The following RICTOR variants were observed in gnomAD, a reference collection of about 807,000 sequenced individuals.
The protein encoded by RICTOR is rapamycin-insensitive companion of mTOR.
In RICTOR, 49 loss-of-function variants were observed where a neutral mutation model predicts 214.9. The observed-to-expected ratio is 0.23, with a 90% CI of 0.18 to 0.29. The LOEUF is 0.29. Ranked by LOEUF, RICTOR falls within the 10% of genes least tolerant of loss-of-function variation. The pLI, the probability that RICTOR is intolerant of heterozygous loss-of-function variation, is 1.00. For missense variants in RICTOR, 1,625 were observed against 2,047.0 expected (o/e 0.79, Z 3.98); for synonymous variants, 717 against 711.3 (o/e 1.01, Z -0.13).
chr5:39,044,848 C>T (rs1207582206), intron 2 of RICTOR, among the ~76,000 whole-genome samples: 1 of 152,164 alleles, frequency 6.6e-6, no homozygotes, highest in Non-Finnish European at 1.5e-5. Context: ...ACTATATTCA[C>T]GCAGTGCTAA....
intron 7 of RICTOR, among the ~76,000 whole-genome samples, chr5:38,989,774 G>T (rs1174090430): frequency 3.3e-5 from 5 of 152,196 alleles, no homozygotes; most frequent in Non-Finnish European, 7.4e-5. Flanking sequence ...GGTCATTAAA[G>T]AAATGCAAAT....
At chr5:39,026,595 A>G (rs888290233) in intron 2 of RICTOR, among the ~76,000 whole-genome samples, 1 of 152,042 alleles carries the variant, frequency 6.6e-6, no homozygotes, top group Non-Finnish European at 1.5e-5. Flanking sequence ...GCTGAATACA[A>G]TTGATTTCAA....
chr5:39,002,841 A>C (rs1753743032), intron 4 of RICTOR, among the ~76,000 whole-genome samples, 175 bp from the exon 5 acceptor site: 1 of 152,146 alleles, frequency 6.6e-6, no homozygotes, highest in South Asian at 2.1e-4. Context: ...AATTTCACTT[A>C]GTGTTGTTTT....
chr5:38,950,397 A>C lies in RICTOR; in HGVS notation c.3451T>G (p.Ser1151Ala), dbSNP rs1445167221. 1.9e-6 allele frequency: 3 copies of C among 1,613,170 alleles called. No individual in the cohort carries two copies. The highest frequency in any genetic ancestry group is 2.5e-6 in the Non-Finnish European group (3 of 1,179,388). The change falls in exon 31 of 38, where the codon TCC (serine) becomes GCC (alanine). Residue 1151 changes from serine (S) to alanine (A), a missense_variant. By Grantham distance (99) the Ser-to-Ala change is moderately conservative (BLOSUM62 1). Coordinates refer to ENST00000357387, the MANE Select transcript of RICTOR (RefSeq NM_152756.5). ...AATTGTAATGTTTTCTGTACAGTGGATATGGGTGTAAAATCATCACTATGA... is the reference window on the plus strand; with the variant it reads ...AATTGTAATGTTTTCTGTACAGTGGCTATGGGTGTAAAATCATCACTATGA... ...FNHSDDFTPI[S>A]TVQKTLQLET...
In RICTOR at chr5:38,959,770, A is replaced by G. The variant is rs1749621507; in HGVS notation, c.2051+9T>C. ...TGTATATATTGCAACAAAATCTGGG[A>G]ATGCTCACCACTGAAATACACTGCA... is the stretch of plus-strand genomic sequence containing the variant. On this transcript the variant is annotated intron_variant, in intron 21 of 37. Coordinates refer to ENST00000357387, the MANE Select transcript of RICTOR (RefSeq NM_152756.5). 1.9e-6 allele frequency: 3 copies of G among 1,593,620 alleles called. No homozygotes were observed. The highest frequency in any genetic ancestry group is 2.6e-6 in the Non-Finnish European group (3 of 1,161,552).
rs370821217 is a variant in RICTOR, at chr5:39,050,929, T to C, written c.97+23182A>G. 3.3e-4 allele frequency among the ~76,000 whole-genome samples: 50 copies of C among 152,262 alleles called. 1 individual carries two copies. In the East Asian group the frequency reaches 4.4e-3, roughly 14 times the overall value. ...CATAATGAAATATTTTTAATAAGTC[T>C]GATAATCCCAAGTGTTGACAAAAGT... On this transcript the variant is annotated intron_variant, in intron 2 of 37. Transcript: ENST00000357387.
At chr5:39,019,880 C>T (rs563925788) in intron 3 of RICTOR, among the ~76,000 whole-genome samples, 1 of 152,308 alleles carries the variant, frequency 6.6e-6, no homozygotes, top group South Asian at 2.1e-4. Flanking sequence ...AAGGATTTAT[C>T]GTTCCAGATG....
intron 2 of RICTOR, among the ~76,000 whole-genome samples, chr5:39,061,532 C>A (rs1194442626): frequency 6.6e-6 from 1 of 151,786 alleles, no homozygotes; most frequent in African/African-American, 2.4e-5. Context: ...TATGCACATA[C>A]CTTTCCGAAA....
At chr5:39,040,429 C>T (rs1399907627) in intron 2 of RICTOR, among the ~76,000 whole-genome samples, 2 of 151,990 alleles carry the variant, frequency 1.3e-5, no homozygotes, top group African/African-American at 2.4e-5. Context: ...AACAAACCTG[C>T]ACGCTGTGCA....
At chr5:38,943,104 G>C in intron 36 of RICTOR, 133 bp from the exon 37 acceptor site, 1 of 534,352 alleles carries the variant, frequency 1.9e-6, no homozygotes, top group African/African-American at 1.9e-5. Context: ...GTGATGACTT[G>C]AGAATATAAA....
At position 39,070,237 on chromosome 5, in the gene RICTOR, G is replaced by A. The variant is rs189462024; in HGVS notation, c.97+3874C>T. Among the ~76,000 whole-genome samples, 868 of 151,966 alleles carry A rather than the reference G, an allele frequency of 5.7e-3. 9 individuals carry two copies. The highest frequency in any genetic ancestry group is 0.019 in the African/African-American group (779 of 41,436). ...TCCCAGCACTTTGGGAGGCCGAGGC[G>A]GGTGGATCATGAGGTCAGGAGATCG... On this transcript the variant is annotated intron_variant, in intron 2 of 37. Coordinates refer to ENST00000357387, the MANE Select transcript of RICTOR (RefSeq NM_152756.5).
intron 9 of RICTOR, among the ~76,000 whole-genome samples, chr5:38,978,005 T>C (rs1417325117): frequency 6.6e-6 from 1 of 152,174 alleles, no homozygotes; most frequent in Non-Finnish European, 1.5e-5. Flanking sequence ...AAACACTAGA[T>C]AGCGTATTTA....
intron 3 of RICTOR, among the ~76,000 whole-genome samples, chr5:39,017,230 T>C (rs1016422389): frequency 6.6e-6 from 1 of 152,198 alleles, no homozygotes; most frequent in Non-Finnish European, 1.5e-5. Flanking sequence ...ACAGTAATTA[T>C]AATTGCAAAC....
intron 2 of RICTOR, among the ~76,000 whole-genome samples, chr5:39,061,234 C>CTACTTTTTA (rs71666399): frequency 0.18 from 27,255 of 151,870 alleles, 2,617 homozygotes; most frequent in African/African-American, 0.22. Context: ...ATTACATCTA[C>CTACTTTTTA]TACTTTTTAT....
At chr5:39,036,554 G>A (rs1756714074) in intron 2 of RICTOR, among the ~76,000 whole-genome samples, 2 of 152,168 alleles carry the variant, frequency 1.3e-5, no homozygotes, top group African/African-American at 4.8e-5. Context: ...CCATCAGTGT[G>A]CTGTATTCAG....
At chr5:38,954,945 T>C (rs1749128022) in intron 26 of RICTOR, 84 bp from the exon 27 acceptor site, 1 of 642,484 alleles carries the variant, frequency 1.6e-6, no homozygotes, top group Admixed American at 2.8e-5. Context: ...AAATGTTTGA[T>C]AAATAAAATT....
At chr5:39,028,040 G>A (rs1561547960) in intron 2 of RICTOR, among the ~76,000 whole-genome samples, 1 of 152,012 alleles carries the variant, frequency 6.6e-6, no homozygotes. Context: ...TATGAGAAAA[G>A]GTGCCTAACA....
chr5:39,000,740 A>C (rs1753553812), intron 5 of RICTOR, among the ~76,000 whole-genome samples: 1 of 152,014 alleles, frequency 6.6e-6, no homozygotes, highest in Non-Finnish European at 1.5e-5. Flanking sequence ...TAATCTACAA[A>C]CAACCAGAAC....
rs201594508 is a variant in RICTOR at position 38,945,054 on chromosome 5, G to C, written c.4648C>G (p.Pro1550Ala). 44 of 1,600,320 alleles carry C rather than the reference G, an allele frequency of 2.7e-5. No individual in the cohort carries two copies. Among genetic ancestry groups the C allele is most frequent in the Middle Eastern group, 1.7e-4 (1 of 6,054 alleles). The change falls in exon 35 of 38, where the codon CCA becomes GCA. Residue 1550 changes from proline to alanine, a missense_variant. Pro to Ala is a conservative substitution (Grantham distance 27). Around this residue, in one of 5 missense-constraint regions of RICTOR, gnomAD observed 1,214 missense variants for 1,470.5 expected, o/e 0.83. Transcript: ENST00000357387. ...ICSHSDFQDI[P>A]YSDWCEQTIH... Reference sequence around the variant, plus strand: ...GTCTGCTCACACCAATCAGAATATGGAATATCTTGAAAGTCTGAAGAAAAA... The same window carrying C: ...GTCTGCTCACACCAATCAGAATATGCAATATCTTGAAAGTCTGAAGAAAAA...
Sources: allele counts gnomAD v4.1 joint callset (sites outside exome capture counted in the v4.1 genomes callset), GRCh38; gene constraint gnomAD v4.1.1; regional missense constraint gnomAD v4.1.1; transcripts MANE v1.5; gene names NCBI Gene and HGNC (gene_info 2026-07-23, HGNC 2026-07-21).